Variants in ITGA8 observed in about 807,000 individuals in gnomAD.
The protein encoded by ITGA8 is integrin alpha-8.
A neutral mutation model predicts 142.3 loss-of-function variants in ITGA8; 91 were observed. The observed-to-expected ratio is 0.64, with a 90% CI of 0.54 to 0.76. The LOEUF (loss-of-function observed/expected upper bound fraction) is 0.76. ITGA8 is among the 30% of genes least tolerant of loss of function. The probability of loss-of-function intolerance (pLI) is 0.00; values close to 1 mark genes in which losing one functional copy is unlikely to be tolerated. For missense variants in ITGA8, 1,406 were observed against 1,327.7 expected (o/e 1.06, Z -0.92); for synonymous variants, 505 against 485.2 (o/e 1.04, Z -0.54).
intron 20 of ITGA8, among the ~76,000 whole-genome samples, chr10:15,599,138 C>G (rs1176749856): frequency 6.6e-6 from 1 of 151,432 alleles, no homozygotes; most frequent in African/African-American, 2.4e-5. Flanking sequence ...ACAGTTTTTC[C>G]CCAGTTTTCT....
chr10:15,532,891 T>C (rs11813625), intron 27 of ITGA8, among the ~76,000 whole-genome samples: 1 of 152,082 alleles, frequency 6.6e-6, no homozygotes, highest in African/African-American at 2.4e-5. Flanking sequence ...ATTTGACTAT[T>C]ATCTGTGCTC....
intron 11 of ITGA8, among the ~76,000 whole-genome samples, chr10:15,648,063 A>G (rs1475525384): frequency 6.6e-6 from 1 of 152,248 alleles, no homozygotes; most frequent in African/African-American, 2.4e-5. Flanking sequence ...TATTTCCTTC[A>G]CAGAGCCAGA....
chr10:15,581,220 G>T (rs1267927121), intron 23 of ITGA8, among the ~76,000 whole-genome samples: 1 of 152,166 alleles, frequency 6.6e-6, no homozygotes, highest in East Asian at 1.9e-4. Flanking sequence ...AATTACATGG[G>T]CAGATGATCA....
chr10:15,663,048 A>G lies in ITGA8; in HGVS notation c.848-2126T>C, dbSNP rs143876126. On this transcript the variant is annotated intron_variant, in intron 8 of 29. Coordinates refer to ENST00000378076, the MANE Select transcript of ITGA8 (RefSeq NM_003638.3). ...ATGTAATTTTTAGGGGTTCCGATCC[A>G]GTGAGGCCTATGCATGTCCCACCTA... Among the ~76,000 whole-genome samples the G allele has an allele frequency of 1.1e-3, 160 of 152,322 alleles. 1 individual carries two copies. The highest frequency in any genetic ancestry group is 3.6e-3 in the African/African-American group (150 of 41,580).
chr10:15,611,041 A>T (rs979896946), intron 15 of ITGA8, among the ~76,000 whole-genome samples: 1 of 152,220 alleles, frequency 6.6e-6, no homozygotes, highest in South Asian at 2.1e-4. Context: ...AGAAATCCAC[A>T]TCGATGGAAG....
chr10:15,701,690 C>G (rs1835168090), intron 2 of ITGA8, among the ~76,000 whole-genome samples: 1 of 152,294 alleles, frequency 6.6e-6, no homozygotes, highest in Admixed American at 6.5e-5. Flanking sequence ...TTTTGGCAGA[C>G]AGGATAATTT....
intron 2 of ITGA8, among the ~76,000 whole-genome samples, chr10:15,704,623 A>G (rs1174023458): frequency 6.6e-6 from 1 of 152,152 alleles, no homozygotes; most frequent in African/African-American, 2.4e-5. Context: ...CAGCTGGGGA[A>G]ATGAGAACTC....
intron 14 of ITGA8, among the ~76,000 whole-genome samples, chr10:15,615,557 A>C (rs1833375859): frequency 6.6e-6 from 1 of 152,194 alleles, no homozygotes; most frequent in South Asian, 2.1e-4. Context: ...TCTGTCTTCC[A>C]GGCTGGAGTG....
At chr10:15,649,623 A>T (rs1324670517) in intron 11 of ITGA8, among the ~76,000 whole-genome samples, 2 of 151,894 alleles carry the variant, frequency 1.3e-5, no homozygotes, top group African/African-American at 4.8e-5. Flanking sequence ...CTCAAAAAAA[A>T]AAAAAAAAAA....
intron 28 of ITGA8, among the ~76,000 whole-genome samples, chr10:15,530,296 C>G (rs1360364295): frequency 2.0e-5 from 3 of 151,956 alleles, no homozygotes; most frequent in Non-Finnish European, 4.4e-5. Context: ...GCCTGTAATC[C>G]CAGCACTTTC....
Position 15,718,744 on chromosome 10 carries a change from TAGA to T in ITGA8, c.343+19_343+21del, listed in dbSNP as rs748002588. 4 of 1,612,838 alleles carry T rather than the reference TAGA, an allele frequency of 2.5e-6. No individual in the cohort carries two copies. The South Asian group carries it at 3.3e-5, about 13-fold the overall frequency. ...TTCTTCCAAACCCAGGCCCACAGCTTAGAAGGACAAATCTCACTTACTGGTGGT... is the reference window on the plus strand; with the variant it reads ...TTCTTCCAAACCCAGGCCCACAGCTTAGGACAAATCTCACTTACTGGTGGT... On this transcript the variant is annotated intron_variant, in intron 2 of 29. Coordinates refer to ENST00000378076, the MANE Select transcript of ITGA8 (RefSeq NM_003638.3).
At chr10:15,703,237 T>C (rs542628300) in intron 2 of ITGA8, among the ~76,000 whole-genome samples, 83 of 152,306 alleles carry the variant, frequency 5.4e-4, no homozygotes, top group African/African-American at 1.9e-3. Context: ...GATGAGAATA[T>C]AAATTTTCTG....
chr10:15,582,517 C>T (rs538704315), intron 23 of ITGA8, among the ~76,000 whole-genome samples: 1 of 152,222 alleles, frequency 6.6e-6, no homozygotes, highest in East Asian at 1.9e-4. Context: ...AGAAAATAAT[C>T]GCGGGACACA....
At chr10:15,544,279 C>T (rs73598772) in intron 27 of ITGA8, among the ~76,000 whole-genome samples, 1 of 151,856 alleles carries the variant, frequency 6.6e-6, no homozygotes, top group East Asian at 1.9e-4. Flanking sequence ...GCTTGGATGA[C>T]ATAGTGAGAC....
intron 13 of ITGA8, among the ~76,000 whole-genome samples, chr10:15,618,631 G>C (rs1370360970): frequency 4.6e-5 from 7 of 152,160 alleles, no homozygotes; most frequent in Admixed American, 3.3e-4. Flanking sequence ...GGCACCATCT[G>C]ATCACCTGTC....
chr10:15,537,222 G>A (rs1833464144), intron 27 of ITGA8, among the ~76,000 whole-genome samples: 1 of 152,230 alleles, frequency 6.6e-6, no homozygotes, highest in Middle Eastern at 3.4e-3. Flanking sequence ...GGCAGAAAAC[G>A]TTTCCCTCTT....
chr10:15,541,234 A>G (rs951562278), intron 27 of ITGA8, among the ~76,000 whole-genome samples: 5 of 152,028 alleles, frequency 3.3e-5, no homozygotes, highest in Admixed American at 2.6e-4. Flanking sequence ...TTTTGCCACA[A>G]GCAGTGTCAC....
At chr10:15,670,027 C>G (rs1016149668) in intron 8 of ITGA8, among the ~76,000 whole-genome samples, 2 of 152,172 alleles carry the variant, frequency 1.3e-5, no homozygotes, top group African/African-American at 4.8e-5. Context: ...AGAACCACTA[C>G]TCTCTTCAAA....
chr10:15,576,480 A>G (rs9333185), intron 23 of ITGA8, among the ~76,000 whole-genome samples: 12,002 of 152,224 alleles, frequency 0.079, 849 homozygotes, highest in East Asian at 0.29. Flanking sequence ...GTTTTTAGGT[A>G]AAACATGTCT....
Sources: allele counts gnomAD v4.1 joint callset (sites outside exome capture counted in the v4.1 genomes callset), GRCh38; gene constraint gnomAD v4.1.1; transcripts MANE v1.5; gene names NCBI Gene and HGNC (gene_info 2026-07-23, HGNC 2026-07-21).